CNTNAP2: variants seen among roughly 807,000 people sequenced by gnomAD.
CNTNAP2 encodes contactin associated protein 2, also known as contactin-associated protein-like 2.
CNTNAP2 carries 98 observed loss-of-function variants against 155.2 expected under a neutral mutation model. That is an observed-to-expected ratio of 0.63 (90% confidence interval 0.54 to 0.75). CNTNAP2 has a LOEUF of 0.75. Ranked by LOEUF, CNTNAP2 falls within the 30% of genes least tolerant of loss-of-function variation. CNTNAP2 has a pLI of 0.00. For missense variants in CNTNAP2, 1,727 were observed against 1,688.1 expected, an observed-to-expected ratio of 1.02 and a Z score of -0.40; for synonymous variants, 651 against 631.2, an observed-to-expected ratio of 1.03 and a Z score of -0.47.
At chr7:148,091,336 ACAT>A (rs1246806201) in intron 15 of CNTNAP2, among the ~76,000 whole-genome samples, 1 of 152,190 alleles carries the variant, frequency 6.6e-6, no homozygotes, top group African/African-American at 2.4e-5. Flanking sequence ...TAATCTCAAA[ACAT>A]CATGTTGTAC....
chr7:147,731,249 C>T (rs1178975211), intron 13 of CNTNAP2, among the ~76,000 whole-genome samples: 1 of 152,128 alleles, frequency 6.6e-6, no homozygotes, highest in Non-Finnish European at 1.5e-5. Flanking sequence ...CCATCTAGGA[C>T]TTCTATAGCT....
At chr7:146,697,757 G>A (rs1375251833) in intron 1 of CNTNAP2, among the ~76,000 whole-genome samples, 6 of 151,646 alleles carry the variant, frequency 4.0e-5, no homozygotes, top group Non-Finnish European at 8.8e-5. Context: ...TCTTTTGATT[G>A]GTATATTCAG....
At chr7:146,939,311 A>G (rs1585170233) in intron 3 of CNTNAP2, among the ~76,000 whole-genome samples, 2 of 152,246 alleles carry the variant, frequency 1.3e-5, no homozygotes, top group African/African-American at 4.8e-5. Flanking sequence ...TGGGGAATCT[A>G]TTTCTTATCC....
intron 1 of CNTNAP2, among the ~76,000 whole-genome samples, chr7:146,164,766 G>C (rs1328495072): frequency 2.0e-5 from 3 of 152,078 alleles, no homozygotes; most frequent in African/African-American, 7.2e-5. Flanking sequence ...TTTACAAAAT[G>C]CGTCATACAT....
chr7:146,906,127 C>G (rs1796119603), intron 3 of CNTNAP2, among the ~76,000 whole-genome samples: 1 of 152,218 alleles, frequency 6.6e-6, no homozygotes, highest in African/African-American at 2.4e-5. Context: ...GGGACTATAT[C>G]CCACACCTGG....
At chr7:146,248,494 C>T (rs1192971298) in intron 1 of CNTNAP2, among the ~76,000 whole-genome samples, 1 of 152,104 alleles carries the variant, frequency 6.6e-6, no homozygotes, top group Non-Finnish European at 1.5e-5. Flanking sequence ...CCATGACCAG[C>T]GCCGGAGTTT....
chr7:146,865,920 A>T (rs900759571), intron 3 of CNTNAP2, among the ~76,000 whole-genome samples: 45 of 152,162 alleles, frequency 3.0e-4, no homozygotes, highest in Non-Finnish European at 6.0e-4. Flanking sequence ...CTTGAAAAGG[A>T]ATCCTTGTAC....
At chr7:147,948,989 G>T (rs1800872229) in intron 14 of CNTNAP2, among the ~76,000 whole-genome samples, 2 of 151,896 alleles carry the variant, frequency 1.3e-5, no homozygotes, top group Non-Finnish European at 2.9e-5. Context: ...ATCACCTGAG[G>T]TTGGGAGTTT....
intron 13 of CNTNAP2, among the ~76,000 whole-genome samples, chr7:147,727,106 A>G (rs1222796918): frequency 6.6e-6 from 1 of 151,966 alleles, no homozygotes; most frequent in Non-Finnish European, 1.5e-5. Context: ...TTAGACCTCA[A>G]TAAAGCTGGA....
chr7:147,164,734 T>G (rs1056128643), intron 8 of CNTNAP2, among the ~76,000 whole-genome samples: 2 of 152,174 alleles, frequency 1.3e-5, no homozygotes, highest in African/African-American at 4.8e-5. Flanking sequence ...TTGTTGCAGA[T>G]TCTAAATATG....
intron 1 of CNTNAP2, among the ~76,000 whole-genome samples, chr7:146,485,163 AT>A (rs35065017): frequency 0.25 from 37,465 of 149,248 alleles, 7,326 homozygotes; most frequent in African/African-American, 0.55. Context: ...GCTAATTGCT[AT>A]TTTTTTTTTG....
At chr7:147,409,423 T>C (rs983812503) in intron 10 of CNTNAP2, among the ~76,000 whole-genome samples, 2 of 152,134 alleles carry the variant, frequency 1.3e-5, no homozygotes, top group Admixed American at 1.3e-4. Context: ...AAGAATTAAA[T>C]GTAAAACCCA....
intron 20 of CNTNAP2, among the ~76,000 whole-genome samples, chr7:148,240,850 TC>T (rs5888314): frequency 0.71 from 107,172 of 151,966 alleles, 39,243 homozygotes; most frequent in East Asian, 0.95. Flanking sequence ...GCAGGAAGCA[TC>T]CCAGCATGGG....
chr7:146,225,823 A>G (rs1327370983), intron 1 of CNTNAP2, among the ~76,000 whole-genome samples: 1 of 152,228 alleles, frequency 6.6e-6, no homozygotes, highest in African/African-American at 2.4e-5. Context: ...ATTTTTAAGA[A>G]ATAATTTCAT....
chr7:147,049,096 C>T (rs112681134), intron 4 of CNTNAP2, among the ~76,000 whole-genome samples: 35 of 152,248 alleles, frequency 2.3e-4, no homozygotes, highest in African/African-American at 6.0e-4. Flanking sequence ...GCCTTCTTTT[C>T]CCATTGTCTC....
chr7:146,257,156 T>G (rs1240511813), intron 1 of CNTNAP2, among the ~76,000 whole-genome samples: 1 of 152,218 alleles, frequency 6.6e-6, no homozygotes, highest in Non-Finnish European at 1.5e-5. Flanking sequence ...AGATTTCTTG[T>G]TAGAATTATT....
At chr7:146,895,221 C>T (rs1795850655) in intron 3 of CNTNAP2, among the ~76,000 whole-genome samples, 1 of 150,184 alleles carries the variant, frequency 6.7e-6, no homozygotes, top group Admixed American at 6.7e-5. Context: ...CTTCCTTTTC[C>T]TTCCTTCCTT....
chr7:148,081,844 A>C (rs2116548681), intron 15 of CNTNAP2, among the ~76,000 whole-genome samples: 1 of 152,226 alleles, frequency 6.6e-6, no homozygotes, highest in Admixed American at 6.5e-5. Flanking sequence ...CATGGCATGA[A>C]TGTATGTGAG....
intron 19 of CNTNAP2, among the ~76,000 whole-genome samples, chr7:148,228,354 C>A (rs568687777): frequency 6.6e-6 from 1 of 151,910 alleles, no homozygotes; most frequent in East Asian, 1.9e-4. Flanking sequence ...TGGGACGAAG[C>A]AAGGAGGAAA....
Sources: gnomAD v4.1 joint callset for allele counts (sites outside exome capture counted in the v4.1 genomes callset) on GRCh38, gnomAD v4.1.1 for gene constraint, MANE v1.5 for transcripts, NCBI Gene and HGNC (gene_info 2026-07-23, HGNC 2026-07-21) for gene names.